Variants in CHRM3 observed in about 807,000 individuals in gnomAD.
The protein encoded by CHRM3 is muscarinic acetylcholine receptor M3.
In CHRM3, 11 loss-of-function variants were observed where a neutral mutation model predicts 41.8. That is an observed-to-expected ratio of 0.26 (90% CI 0.17 to 0.44). The LOEUF is 0.44. CHRM3 is among the 20% of genes least tolerant of loss of function. The pLI is 1.00. For missense variants in CHRM3, 571 were observed against 745.4 expected, an observed-to-expected ratio of 0.77 and a Z score of 2.72; for synonymous variants, 297 against 301.4, an observed-to-expected ratio of 0.99 and a Z score of 0.15.
intron 1 of CHRM3, among the ~76,000 whole-genome samples, chr1:239,400,704 G>A (rs897671669): frequency 5.3e-5 from 8 of 152,152 alleles, no homozygotes; most frequent in Admixed American, 5.2e-4. Flanking sequence ...TTGTTGAAGA[G>A]TATCCTTTCT....
intron 3 of CHRM3, chr1:239,546,761 A>G (rs1659344647): frequency 6.6e-6 from 1 of 152,176 alleles, no homozygotes; most frequent in South Asian, 2.1e-4. Flanking sequence ...GTTTTTACAC[A>G]TGAAGGAGAA....
At chr1:239,485,029 A>C (rs908277784) in intron 1 of CHRM3, among the ~76,000 whole-genome samples, 5 of 152,194 alleles carry the variant, frequency 3.3e-5, no homozygotes, top group African/African-American at 4.8e-5. Flanking sequence ...ATATTTATGG[A>C]GATCTTGAAG....
At chr1:239,752,027 A>G (rs1038495425) in intron 5 of CHRM3, among the ~76,000 whole-genome samples, 3 of 152,200 alleles carry the variant, frequency 2.0e-5, no homozygotes, top group Admixed American at 6.5e-5. Flanking sequence ...GGCTCAAGGA[A>G]TGCATAAGTT....
At chr1:239,742,307 T>C (rs1407726748) in intron 5 of CHRM3, among the ~76,000 whole-genome samples, 1 of 152,160 alleles carries the variant, frequency 6.6e-6, no homozygotes, top group East Asian at 1.9e-4. Context: ...TTTCTTCAGT[T>C]TGGGATAGTC....
intron 1 of CHRM3, among the ~76,000 whole-genome samples, chr1:239,437,874 T>A (rs1663397280): frequency 6.6e-6 from 1 of 152,208 alleles, no homozygotes; most frequent in African/African-American, 2.4e-5. Flanking sequence ...AAACTGGATT[T>A]AAGACAAAAA....
intron 6 of CHRM3, among the ~76,000 whole-genome samples, chr1:239,867,740 C>T (rs1051020756): frequency 1.3e-5 from 2 of 151,126 alleles, no homozygotes; most frequent in Non-Finnish European, 2.9e-5. Context: ...AACTTAACAT[C>T]GTACCTAGAA....
In CHRM3 at chr1:239,621,042, A is replaced by G. The variant is rs73122689; in HGVS notation, c.-312-11182A>G. On this transcript the variant is annotated intron_variant, in intron 3 of 6. Transcript: ENST00000676153. ...CATTGGCAGCATTTTTCCAACCCCA[A>G]GTGCTCACTTTGTGTCTGTGTCACA... 4.5e-3 allele frequency among the ~76,000 whole-genome samples: 685 copies of G among 152,240 alleles called. 4 individuals carry two copies. The highest frequency in any genetic ancestry group is 0.015 in the African/African-American group (639 of 41,564).
intron 1 of CHRM3, among the ~76,000 whole-genome samples, chr1:239,395,148 C>G (rs1416457639): frequency 6.6e-6 from 1 of 152,116 alleles, no homozygotes; most frequent in African/African-American, 2.4e-5. Flanking sequence ...TGGTTCTTTT[C>G]TCTTCTTCCT....
intron 5 of CHRM3, among the ~76,000 whole-genome samples, chr1:239,786,780 G>A (rs529032517): frequency 2.6e-5 from 4 of 152,282 alleles, no homozygotes; most frequent in African/African-American, 4.8e-5. Flanking sequence ...AGTGTCACCC[G>A]GCTTTGGGGA....
intron 1 of CHRM3, among the ~76,000 whole-genome samples, chr1:239,479,190 C>CCAGACA (rs1666658210): frequency 7.1e-6 from 1 of 139,888 alleles, no homozygotes; most frequent in Non-Finnish European, 1.5e-5. Context: ...TTTCAAAAAA[C>CCAGACA]CACACACACA....
chr1:239,752,526 A>T (rs191510788), intron 5 of CHRM3, among the ~76,000 whole-genome samples: 1 of 152,328 alleles, frequency 6.6e-6, no homozygotes, highest in Non-Finnish European at 1.5e-5. Flanking sequence ...TCTCAATGTT[A>T]TAGAATTACA....
intron 4 of CHRM3, among the ~76,000 whole-genome samples, chr1:239,646,830 A>T (rs768455103): frequency 2.0e-5 from 3 of 152,180 alleles, no homozygotes; most frequent in Non-Finnish European, 4.4e-5. Flanking sequence ...CTTGAGTAGA[A>T]GAATAACATT....
At chr1:239,779,190 C>A (rs1485805394) in intron 5 of CHRM3, among the ~76,000 whole-genome samples, 3 of 152,042 alleles carry the variant, frequency 2.0e-5, no homozygotes, top group Admixed American at 2.0e-4. Context: ...AAGTTCATAG[C>A]AAAATGGAGA....
At position 239,517,165 on chromosome 1, in the gene CHRM3, C is replaced by T. The variant is rs565677209; in HGVS notation, c.-422+24358C>T. Among the ~76,000 whole-genome samples, 11 of 152,276 alleles carry T rather than the reference C, an allele frequency of 7.2e-5. No homozygotes were observed. In the South Asian group the frequency reaches 1.2e-3, roughly 17 times the overall value. ...AAATTGTCTTCCATGAAATCGATCCCTGGTGCCCAAAAGTTTGGAGGCCAC... is the reference window on the plus strand; with the variant it reads ...AAATTGTCTTCCATGAAATCGATCCTTGGTGCCCAAAAGTTTGGAGGCCAC... On this transcript the variant is annotated intron_variant, in intron 2 of 6. Coordinates refer to ENST00000676153, the MANE Select transcript of CHRM3 (RefSeq NM_001375978.1).
rs189335462 is a variant in CHRM3, at chr1:239,580,648, A to G, written c.-313+34899A>G. ...TTCACCAGTGCTTGCTCTCATTTGTATGTGATTTTAGATGTGCCACTCAGG... is the reference window on the plus strand; with the variant it reads ...TTCACCAGTGCTTGCTCTCATTTGTGTGTGATTTTAGATGTGCCACTCAGG... On this transcript the variant is annotated intron_variant, in intron 3 of 6. Transcript: ENST00000676153. 7.2e-3 allele frequency among the ~76,000 whole-genome samples: 964 copies of G among 133,290 alleles called. 5 individuals are homozygous for G. The highest frequency in any genetic ancestry group is 0.03 in the South Asian group (115 of 3,840). 87.4% of individuals were successfully genotyped at this position (133,290 alleles called of 152,430 possible).
intron 2 of CHRM3, among the ~76,000 whole-genome samples, chr1:239,497,404 A>T (rs537334008): frequency 6.6e-6 from 1 of 152,112 alleles, no homozygotes; most frequent in South Asian, 2.1e-4. Flanking sequence ...TACCACACTG[A>T]GGATGTTGGT....
At chr1:239,579,042 A>G (rs1662629378) in intron 3 of CHRM3, among the ~76,000 whole-genome samples, 1 of 152,218 alleles carries the variant, frequency 6.6e-6, no homozygotes, top group South Asian at 2.1e-4. Flanking sequence ...TGAATGTTTC[A>G]CCACTTATCT....
At chr1:239,431,654 G>T (rs1393580468) in intron 1 of CHRM3, among the ~76,000 whole-genome samples, 2 of 152,168 alleles carry the variant, frequency 1.3e-5, no homozygotes, top group Non-Finnish European at 2.9e-5. Context: ...AGTGTGCAAA[G>T]ATTCATTTCA....
chr1:239,563,638 A>T (rs989659726), intron 3 of CHRM3, among the ~76,000 whole-genome samples: 3 of 152,170 alleles, frequency 2.0e-5, no homozygotes, highest in African/African-American at 7.2e-5. Context: ...ACAAAATTTC[A>T]ATGGAAAAGT....
Sources: gnomAD v4.1 joint callset for allele counts (sites outside exome capture counted in the v4.1 genomes callset) on GRCh38, gnomAD v4.1.1 for gene constraint, MANE v1.5 for transcripts, NCBI Gene and HGNC (gene_info 2026-07-23, HGNC 2026-07-21) for gene names.